PABPC4L: variants seen among roughly 807,000 people sequenced by gnomAD.
PABPC4L encodes poly(A) binding protein cytoplasmic 4 like, also known as polyadenylate-binding protein 4-like.
For missense variants in PABPC4L, 452 were observed against 451.4 expected, an observed-to-expected ratio of 1.00 and a Z score of -0.01; for synonymous variants, 169 against 164.1, an observed-to-expected ratio of 1.03 and a Z score of -0.23.
At chr4:133,984,176 A>G in the PABPC4L span, among the ~76,000 whole-genome samples, 1 of 151,918 alleles carries the variant, frequency 6.6e-6, no homozygotes, top group African/African-American at 2.4e-5. Context: ...TAAGCAACTT[A>G]TGAAAGATAA....
chr4:133,951,661 AT>A, the PABPC4L span, among the ~76,000 whole-genome samples: 3 of 151,994 alleles, frequency 2.0e-5, no homozygotes, highest in African/African-American at 7.3e-5. Context: ...CATATGAAAC[AT>A]TTTTTCTAAA....
At chr4:133,998,830 A>T in the PABPC4L span, among the ~76,000 whole-genome samples, 1 of 151,994 alleles carries the variant, frequency 6.6e-6, no homozygotes, top group African/African-American at 2.4e-5. Context: ...TTTAATTGAG[A>T]GTGCAATTCA....
the PABPC4L span, among the ~76,000 whole-genome samples, chr4:134,063,863 T>C: frequency 6.6e-6 from 1 of 152,056 alleles, no homozygotes; most frequent in Non-Finnish European, 1.5e-5. Flanking sequence ...TAAAAGTTTC[T>C]CTGACAATCT....
At chr4:133,992,776 T>C in the PABPC4L span, among the ~76,000 whole-genome samples, 1 of 152,160 alleles carries the variant, frequency 6.6e-6, no homozygotes, top group Non-Finnish European at 1.5e-5. Context: ...ACAAATTATG[T>C]GGAGTGAATG....
chr4:134,135,293 T>C, the PABPC4L span, among the ~76,000 whole-genome samples: 2 of 152,152 alleles, frequency 1.3e-5, no homozygotes, highest in African/African-American at 4.8e-5. Context: ...CATCTGCTTC[T>C]TAAATGCAGC....
chr4:134,050,706 C>CCAAAA, the PABPC4L span, among the ~76,000 whole-genome samples: 99 of 82,970 alleles, frequency 1.2e-3, 1 homozygote, highest in African/African-American at 4.9e-3. Flanking sequence ...CACCGTCTCC[C>CCAAAA]AAAAAAAAAA....
chr4:133,956,104 T>G, the PABPC4L span, among the ~76,000 whole-genome samples: 2 of 152,214 alleles, frequency 1.3e-5, no homozygotes, highest in African/African-American at 4.8e-5. Flanking sequence ...AGGGTTTTTC[T>G]CATTAACTTA....
the PABPC4L span, among the ~76,000 whole-genome samples, chr4:133,988,823 G>T: frequency 6.6e-6 from 1 of 152,122 alleles, no homozygotes; most frequent in African/African-American, 2.4e-5. Context: ...TCTCCATGAG[G>T]GCTCTGCCCC....
chr4:133,967,711 T>A, the PABPC4L span, among the ~76,000 whole-genome samples: 11 of 152,196 alleles, frequency 7.2e-5, no homozygotes, highest in Admixed American at 2.6e-4. Context: ...AACTGCCAAA[T>A]ATTCTTACTA....
the PABPC4L span, among the ~76,000 whole-genome samples, chr4:134,145,106 G>A: frequency 6.6e-6 from 1 of 151,852 alleles, no homozygotes; most frequent in East Asian, 1.9e-4. Context: ...TTAATTATAG[G>A]TTGGTGCAAA....
chr4:134,122,572 AC>A, the PABPC4L span, among the ~76,000 whole-genome samples: 1 of 151,894 alleles, frequency 6.6e-6, no homozygotes, highest in East Asian at 1.9e-4. Flanking sequence ...TCTACATAAT[AC>A]CAAATGCATT....
the PABPC4L span, among the ~76,000 whole-genome samples, chr4:134,145,052 C>T: frequency 1.3e-5 from 2 of 151,590 alleles, no homozygotes; most frequent in African/African-American, 4.8e-5. Flanking sequence ...GTTTGCAGAC[C>T]CAAATAAGTA....
the PABPC4L span, among the ~76,000 whole-genome samples, chr4:134,171,271 A>G: frequency 6.6e-6 from 1 of 152,078 alleles, no homozygotes; most frequent in African/African-American, 2.4e-5. Flanking sequence ...GCATGCCATC[A>G]CACTTGACAA....
At chr4:134,042,078 T>C in the PABPC4L span, among the ~76,000 whole-genome samples, 1 of 152,194 alleles carries the variant, frequency 6.6e-6, no homozygotes, top group Admixed American at 6.6e-5. Context: ...TACACACATA[T>C]ATATAATGAA....
the PABPC4L span, among the ~76,000 whole-genome samples, chr4:134,062,383 A>T: frequency 4.6e-5 from 7 of 152,140 alleles, no homozygotes; most frequent in East Asian, 1.4e-3. Flanking sequence ...ACCTGCCAAA[A>T]GGTTGCAAAA....
the PABPC4L span, among the ~76,000 whole-genome samples, chr4:134,052,447 T>C: frequency 3.9e-5 from 6 of 152,092 alleles, no homozygotes; most frequent in African/African-American, 7.2e-5. Flanking sequence ...CCAGTCATTA[T>C]TAATTATTTT....
At chr4:133,999,299 G>T in the PABPC4L span, among the ~76,000 whole-genome samples, 2 of 152,008 alleles carry the variant, frequency 1.3e-5, no homozygotes, top group African/African-American at 2.4e-5. Flanking sequence ...GGGAAAGAAA[G>T]ATATTTATTT....
chr4:134,138,160 A>G, the PABPC4L span, among the ~76,000 whole-genome samples: 2 of 151,850 alleles, frequency 1.3e-5, no homozygotes, highest in African/African-American at 4.8e-5. Context: ...TTAAAATTAG[A>G]TACCTGAATT....
the PABPC4L span, among the ~76,000 whole-genome samples, chr4:134,003,496 G>A: frequency 1.3e-5 from 2 of 151,758 alleles, no homozygotes; most frequent in African/African-American, 4.8e-5. Context: ...GTGCTTTCAT[G>A]TGGGATTTTG....
Sources: gnomAD v4.1 joint callset for allele counts (sites outside exome capture counted in the v4.1 genomes callset) on GRCh38, gnomAD v4.1.1 for gene constraint, MANE v1.5 for transcripts, NCBI Gene and HGNC (gene_info 2026-07-23, HGNC 2026-07-21) for gene names.